Variants in ROBO1 observed in about 807,000 individuals in gnomAD.
ROBO1 encodes roundabout homolog 1.
In ROBO1, 149 loss-of-function variants were observed where a neutral mutation model predicts 195.9. The observed-to-expected ratio is 0.76, with a 90% CI of 0.67 to 0.87. ROBO1 has a LOEUF of 0.87. Among genes scored for constraint, ROBO1 ranks in the 40% least tolerant of loss-of-function variants. The pLI is 0.00. For synonymous variants in ROBO1, 816 were observed against 733.2 expected, an observed-to-expected ratio of 1.11 and a Z score of -1.82; for missense variants, 1,933 against 2,068.3, an observed-to-expected ratio of 0.93 and a Z score of 1.27.
At chr3:79,274,628 G>T (rs1011377737) in intron 2 of ROBO1, among the ~76,000 whole-genome samples, 4 of 151,464 alleles carry the variant, frequency 2.6e-5, no homozygotes, top group African/African-American at 9.7e-5. Context: ...ATTAGTGGAA[G>T]AAATAATAAA....
intron 2 of ROBO1, among the ~76,000 whole-genome samples, chr3:79,483,866 A>G (rs1045521671): frequency 2.0e-5 from 3 of 152,056 alleles, no homozygotes; most frequent in Non-Finnish European, 2.9e-5. Flanking sequence ...AATCTCTAAT[A>G]TGGGAGCAGT....
At chr3:79,272,327 C>T (rs935047255) in intron 2 of ROBO1, among the ~76,000 whole-genome samples, 2 of 151,932 alleles carry the variant, frequency 1.3e-5, no homozygotes, top group African/African-American at 4.8e-5. Context: ...ACATATTAAA[C>T]CTAACACAGC....
chr3:79,250,563 T>TG (rs142321697), intron 2 of ROBO1, among the ~76,000 whole-genome samples: 9,599 of 151,696 alleles, frequency 0.063, 384 homozygotes, highest in African/African-American at 0.1. Flanking sequence ...ATAATGTGTG[T>TG]GGGGGGGGTT....
intron 2 of ROBO1, among the ~76,000 whole-genome samples, chr3:79,469,482 T>C (rs1938150283): frequency 6.6e-6 from 1 of 152,068 alleles, no homozygotes. Context: ...CCTGAAAAAA[T>C]TGACTTTAAA....
intron 4 of ROBO1, among the ~76,000 whole-genome samples, chr3:78,849,998 T>A (rs1383406): frequency 0.51 from 76,831 of 151,968 alleles, 22,182 homozygotes; most frequent in South Asian, 0.73. Flanking sequence ...CAGATAAACA[T>A]ATACTTACCA....
chr3:79,060,698 T>G lies in ROBO1; in HGVS notation c.172+64758A>C, dbSNP rs530380503. The stretch of plus-strand genomic sequence containing the variant: ...TGGGATGCAAGGCTGGTTCAACATA[T>G]GCAAATCAACAAATGTAATCCATCA... On this transcript the variant is annotated intron_variant, in intron 3 of 30. Transcript: ENST00000464233. Among the ~76,000 whole-genome samples the G allele has an allele frequency of 2.0e-5, 3 of 152,084 alleles. No individual in the cohort carries two copies. In the East Asian group the frequency reaches 5.8e-4, roughly 30 times the overall value.
At chr3:79,569,221 T>A (rs758628622) in intron 2 of ROBO1, among the ~76,000 whole-genome samples, 11 of 152,192 alleles carry the variant, frequency 7.2e-5, no homozygotes, top group Non-Finnish European at 1.5e-4. Flanking sequence ...TTAAAGAACA[T>A]TCCTTAAACT....
intron 14 of ROBO1, among the ~76,000 whole-genome samples, chr3:78,662,727 A>G (rs907971382): frequency 6.6e-6 from 1 of 152,198 alleles, no homozygotes; most frequent in African/African-American, 2.4e-5. Context: ...CTCATGAGAA[A>G]AAAGTACTTA....
chr3:79,469,516 C>T (rs979917944), intron 2 of ROBO1, among the ~76,000 whole-genome samples: 6 of 152,264 alleles, frequency 3.9e-5, no homozygotes, highest in Admixed American at 3.3e-4. Context: ...GTAGGTACAA[C>T]ATTCATGTAT....
chr3:79,018,857 G>A lies in ROBO1; in HGVS notation c.173-79930C>T. On this transcript the variant is annotated intron_variant, in intron 3 of 30. Coordinates refer to ENST00000464233, the MANE Select transcript of ROBO1 (RefSeq NM_002941.4). ...GCGCCGCTGCGAGGGCAGGCGCGGC[G>A]GCGGCGGCAAAGTTGGGGTGTGAGA... is the stretch of plus-strand genomic sequence containing the variant. The A allele has an allele frequency of 6.0e-6, 6 of 1,005,494 alleles. No individual in the cohort carries two copies. The South Asian group carries it at 1.3e-4, about 22-fold the overall frequency. The allele number at this position is 1,005,494 out of a possible 1,614,324, so 62.3% of individuals were successfully genotyped here. A position where few individuals can be genotyped will look rare whatever the true frequency, so the allele number is the denominator to read the frequency against.
chr3:78,686,167 T>A (rs138450749), intron 9 of ROBO1, among the ~76,000 whole-genome samples: 3 of 152,136 alleles, frequency 2.0e-5, no homozygotes, highest in Admixed American at 6.5e-5. Context: ...GGTTTAATAA[T>A]CTAACCTCAA....
At chr3:79,044,958 C>A (rs1448139941) in intron 3 of ROBO1, among the ~76,000 whole-genome samples, 1 of 151,568 alleles carries the variant, frequency 6.6e-6, no homozygotes, top group African/African-American at 2.4e-5. Flanking sequence ...ATAAATGAAA[C>A]AAATTATTGC....
intron 4 of ROBO1, among the ~76,000 whole-genome samples, chr3:78,757,604 T>C (rs2082971374): frequency 6.6e-6 from 1 of 152,070 alleles, no homozygotes; most frequent in Non-Finnish European, 1.5e-5. Flanking sequence ...TTTAAAATGA[T>C]CTCATTAAAA....
chr3:78,862,452 T>C (rs2034910747), intron 4 of ROBO1, among the ~76,000 whole-genome samples: 3 of 152,166 alleles, frequency 2.0e-5, no homozygotes, highest in Admixed American at 2.0e-4. Flanking sequence ...TATCAGACCC[T>C]AAGCAAAACA....
At chr3:79,425,509 A>G (rs2038408898) in intron 2 of ROBO1, among the ~76,000 whole-genome samples, 1 of 152,178 alleles carries the variant, frequency 6.6e-6, no homozygotes, top group Admixed American at 6.5e-5. Context: ...GCCAGAAAGC[A>G]GATGAAAAGA....
intron 2 of ROBO1, among the ~76,000 whole-genome samples, chr3:79,388,010 C>G (rs1034785522): frequency 2.0e-5 from 3 of 152,102 alleles, no homozygotes; most frequent in African/African-American, 7.2e-5. Context: ...TTGGAGGTGC[C>G]TGATGCGTAT....
At chr3:79,343,375 T>C (rs1055963542) in intron 2 of ROBO1, among the ~76,000 whole-genome samples, 4 of 152,118 alleles carry the variant, frequency 2.6e-5, no homozygotes, top group African/African-American at 9.7e-5. Context: ...CTGGATCACA[T>C]GGTAAGAGTA....
At chr3:79,184,660 A>T (rs974909408) in intron 2 of ROBO1, among the ~76,000 whole-genome samples, 3 of 152,086 alleles carry the variant, frequency 2.0e-5, no homozygotes, top group Admixed American at 1.3e-4. Context: ...ATTAATGGTA[A>T]AAGGATTTTG....
At chr3:79,441,591 T>G (rs1334508501) in intron 2 of ROBO1, among the ~76,000 whole-genome samples, 1 of 152,124 alleles carries the variant, frequency 6.6e-6, no homozygotes, top group Non-Finnish European at 1.5e-5. Context: ...TATGAAAAAT[T>G]CATCATTACT....
Sources: gnomAD v4.1 joint callset for allele counts (sites outside exome capture counted in the v4.1 genomes callset) on GRCh38, gnomAD v4.1.1 for gene constraint, MANE v1.5 for transcripts, NCBI Gene and HGNC (gene_info 2026-07-23, HGNC 2026-07-21) for gene names.